PRRC2C: variants seen among roughly 807,000 people sequenced by gnomAD.
PRRC2C encodes the protein proline rich coiled-coil 2C, also known as protein PRRC2C.
A neutral mutation model predicts 317.2 loss-of-function variants in PRRC2C; 72 were observed. The ratio of observed to expected loss-of-function variants is 0.23; its 90% CI spans 0.19 to 0.28. PRRC2C has a LOEUF of 0.28. Ranked by LOEUF, PRRC2C falls within the 10% of genes least tolerant of loss-of-function variation. The pLI, the probability that PRRC2C is intolerant of heterozygous loss-of-function variation, is 1.00. For synonymous variants in PRRC2C, 1,296 were observed against 1,205.9 expected (o/e 1.07, Z -1.55); for missense variants, 3,074 against 3,459.7 (o/e 0.89, Z 2.80).
At chr1:171,551,148 A>G (rs889776483) in intron 18 of PRRC2C, among the ~76,000 whole-genome samples, 2 of 152,122 alleles carry the variant, frequency 1.3e-5, no homozygotes, top group Non-Finnish European at 2.9e-5. Flanking sequence ...TGACTTTTTA[A>G]TGATTGCCAT....
chr1:171,541,148 C>T lies in PRRC2C; in HGVS notation c.3682C>T (p.Pro1228Ser), dbSNP rs777194397. 5.0e-6 allele frequency: 8 copies of T among 1,613,468 alleles called. No individual in the cohort carries two copies. The highest frequency in any genetic ancestry group is 6.8e-6 in the Non-Finnish European group (8 of 1,179,778). The change falls in exon 16 of 35, where the codon CCA becomes TCA. Residue 1228 changes from proline to serine, a missense_variant. Physicochemically the swap from Pro to Ser is moderately conservative, Grantham distance 74. This residue lies in a region of PRRC2C where 1,320 missense variants were observed against 1,395.7 expected (regional missense o/e 0.95). Coordinates refer to ENST00000647382, the MANE Select transcript of PRRC2C (RefSeq NM_001387844.1). This position sits in a 1 kb window ranked among gnomAD's most constrained non-coding sequence, Gnocchi z 4.1. ...RDYPQYRDNK[P>S]RAEHIPSGPL... ...TTATCCTCAGTATAGAGACAATAAGCCAAGAGCAGAGCATATACCCTCAGG... is the reference window on the plus strand; with the variant it reads ...TTATCCTCAGTATAGAGACAATAAGTCAAGAGCAGAGCATATACCCTCAGG...
chr1:171,488,845 A>G (rs1666594177), intron 1 of PRRC2C, among the ~76,000 whole-genome samples: 1 of 152,126 alleles, frequency 6.6e-6, no homozygotes, highest in South Asian at 2.1e-4. Flanking sequence ...TTATTATGTG[A>G]ATTATAGTCA....
In PRRC2C at chr1:171,559,710, G is replaced by C. The variant is rs143068659; in HGVS notation, c.6032-1308G>C. Among the ~76,000 whole-genome samples, 582 of 151,756 alleles carry C rather than the reference G, an allele frequency of 3.8e-3. 3 individuals carry two copies. Among genetic ancestry groups the C allele is most frequent in the African/African-American group, 0.013 (531 of 41,378 alleles). On this transcript the variant is annotated intron_variant, in intron 19 of 34. Coordinates refer to ENST00000647382, the MANE Select transcript of PRRC2C (RefSeq NM_001387844.1). ...CTAATTTTGTATTTTTCATAGAGAC[G>C]GGGTTTTGCCATGTTGGCCAGGCTG... is the stretch of plus-strand genomic sequence containing the variant.
At position 171,527,828 on chromosome 1, in the gene PRRC2C, A is replaced by G. The variant is rs1239220651; in HGVS notation, c.1238A>G (p.Lys413Arg). ...GTSSHLPPPP[K>R]LLAQQHPPPD... ...TCTTCACATCTGCCACCACCTCCAAAGTTGCTTGCACAGCAGGTAAATTTT... is the reference window on the plus strand; with the variant it reads ...TCTTCACATCTGCCACCACCTCCAAGGTTGCTTGCACAGCAGGTAAATTTT... Residue 413 changes from lysine to arginine, a missense_variant, in exon 11 of 35, where the codon AAG becomes AGG. Lys to Arg is a conservative substitution (Grantham distance 26, BLOSUM62 2). Around this residue, in one of 11 missense-constraint regions of PRRC2C, gnomAD observed 1,320 missense variants for 1,395.7 expected, o/e 0.95. Coordinates refer to ENST00000647382, the MANE Select transcript of PRRC2C (RefSeq NM_001387844.1). 1.3e-6 allele frequency: 2 copies of G among 1,583,008 alleles called. No homozygotes were observed. The highest frequency in any genetic ancestry group is 1.8e-5 in the Admixed American group (1 of 56,402).
intron 30 of PRRC2C, 109 bp from the exon 31 acceptor site, chr1:171,586,894 C>A: frequency 2.2e-6 from 2 of 898,782 alleles, no homozygotes; most frequent in African/African-American, 1.7e-5. Flanking sequence ...CCGATGTGTT[C>A]TGTTTGAAAT....
Position 171,557,582 on chromosome 1 carries a change from T to C in PRRC2C, c.5470T>C (p.Ser1824Pro). The change falls in exon 19 of 35, where the codon TCT (serine) becomes CCT (proline). Residue 1824 changes from serine (S) to proline (P), a missense_variant. Ser to Pro is a moderately conservative substitution (Grantham distance 74). Transcript: ENST00000647382. ...CTCAGTCTCAGCTTCAGTTCCAGCC[T>C]CTACTTCAGCTGCAGCTATAACCTC... ...SASVSASVPA[S>P]TSAAAITSSS... is the part of the protein sequence containing the mutation. 1 of 1,551,610 alleles carries C rather than the reference T, an allele frequency of 6.4e-7. No homozygotes were observed. Among genetic ancestry groups the C allele is most frequent in the East Asian group, 2.4e-5 (1 of 40,922 alleles).
At position 171,513,143 on chromosome 1, in the gene PRRC2C, A is replaced by C. The variant is rs377615253; in HGVS notation, c.261A>C (p.Ala87=). Residue 87 remains alanine, a synonymous_variant, in exon 3 of 35, where the codon GCA becomes GCC. Transcript: ENST00000647382. ...TACCTAAAGATGGCACAGGGTGGGC[A>C]TCAAAACAAGAGCAACATGAAGAAG... ...NIVPKDGTGW[A]SKQEQHEEEK... 3 of 1,612,734 alleles carry C rather than the reference A, an allele frequency of 1.9e-6. No individual in the cohort carries two copies. Among genetic ancestry groups the C allele is most frequent in the Non-Finnish European group, 2.5e-6 (3 of 1,179,514 alleles).
chr1:171,561,595 A>G (rs1414841092), intron 20 of PRRC2C, among the ~76,000 whole-genome samples: 1 of 152,060 alleles, frequency 6.6e-6, no homozygotes, highest in African/African-American at 2.4e-5. Context: ...CCCAAGTGAT[A>G]CTCTTGCTGC....
intron 20 of PRRC2C, among the ~76,000 whole-genome samples, chr1:171,564,779 T>C (rs1683339466): frequency 6.6e-6 from 1 of 152,208 alleles, no homozygotes; most frequent in African/African-American, 2.4e-5. Flanking sequence ...AAATACGATA[T>C]TATAATTTTA....
At chr1:171,559,509 G>GT (rs869093669) in intron 19 of PRRC2C, among the ~76,000 whole-genome samples, 4 of 33,758 alleles carry the variant, frequency 1.2e-4, no homozygotes, top group Non-Finnish European at 2.5e-4. Flanking sequence ...TACCAAGTTT[G>GT]TTTTTTTTTT....
intron 11 of PRRC2C, among the ~76,000 whole-genome samples, chr1:171,530,541 T>C (rs1675632142): frequency 1.3e-5 from 2 of 152,154 alleles, no homozygotes; most frequent in East Asian, 1.9e-4. Flanking sequence ...CCACCGTGTC[T>C]AGCCTGGGCC....
chr1:171,566,951 T>G (rs1683772277), intron 22 of PRRC2C, 108 bp downstream of exon 22: 3 of 1,202,342 alleles, frequency 2.5e-6, no homozygotes, highest in Admixed American at 3.2e-5. Flanking sequence ...GGCATATAAC[T>G]CTATAGATTA....
In PRRC2C at chr1:171,533,615, T is replaced by G. The variant is rs529030394; in HGVS notation, c.1873+654T>G. Among the ~76,000 whole-genome samples the G allele has an allele frequency of 8.9e-4, 136 of 152,224 alleles. 1 individual carries two copies. Among genetic ancestry groups the G allele is most frequent in the South Asian group, 3.7e-3 (18 of 4,826 alleles). On this transcript the variant is annotated intron_variant, in intron 12 of 34. Coordinates refer to ENST00000647382, the MANE Select transcript of PRRC2C (RefSeq NM_001387844.1). Reference sequence around the variant, plus strand: ...GTTTTCGTTTTTTGTTTGTTGTTGTTGTGGTGGTGGTGGTTGTTGTTGTTT... The same window carrying G: ...GTTTTCGTTTTTTGTTTGTTGTTGTGGTGGTGGTGGTGGTTGTTGTTGTTT...
chr1:171,511,919 T>G, intron 1 of PRRC2C, 113 bp from the exon 2 acceptor site: 1 of 487,740 alleles, frequency 2.1e-6, no homozygotes, highest in Non-Finnish European at 3.8e-6. Context: ...ATTTGACAGT[T>G]AAAAAGTTCT....
At position 171,592,472 on chromosome 1, in the gene PRRC2C, T is replaced by A. The variant is rs1483052263; in HGVS notation, c.*625T>A. Reference sequence around the variant, plus strand: ...GGATGAATGAGCAGATAAATATTGATGTCAGCATCCTTGAACCATATCAAA... The same window carrying A: ...GGATGAATGAGCAGATAAATATTGAAGTCAGCATCCTTGAACCATATCAAA... On this transcript the variant is annotated 3_prime_UTR_variant, in exon 35 of 35. Coordinates refer to ENST00000647382, the MANE Select transcript of PRRC2C (RefSeq NM_001387844.1). The A allele has an allele frequency of 6.6e-6, 1 of 152,306 alleles. No homozygotes were observed. The highest frequency in any genetic ancestry group is 1.5e-5 in the Non-Finnish European group (1 of 68,094). The allele number at this position is 152,306 out of a possible 1,614,324, so 9.4% of individuals were successfully genotyped here.
At chr1:171,498,336 A>G (rs1326070524) in intron 1 of PRRC2C, among the ~76,000 whole-genome samples, 1 of 152,186 alleles carries the variant, frequency 6.6e-6, no homozygotes, top group African/African-American at 2.4e-5. Flanking sequence ...AGTTATCGAC[A>G]GGCAGGATCT....
In PRRC2C at chr1:171,537,868, G is replaced by A. The variant is rs559557858; in HGVS notation, c.2504+395G>A. Among the ~76,000 whole-genome samples the A allele has an allele frequency of 5.3e-5, 8 of 152,008 alleles. No homozygotes were observed. The South Asian group carries it at 1.7e-3, about 32-fold the overall frequency. ...CTACATGCGTTCACCACCACACCCC[G>A]CTAATCTTTGTGGGGTTTTTTGTTT... On this transcript the variant is annotated intron_variant, in intron 15 of 34. Transcript: ENST00000647382.
intron 1 of PRRC2C, among the ~76,000 whole-genome samples, chr1:171,500,710 A>G (rs1344401382): frequency 6.6e-6 from 1 of 152,194 alleles, no homozygotes; most frequent in East Asian, 1.9e-4. Context: ...AGGTTAATGT[A>G]TATATTAAAC....
intron 20 of PRRC2C, among the ~76,000 whole-genome samples, chr1:171,564,316 A>G (rs1477972025): frequency 1.3e-5 from 2 of 152,192 alleles, no homozygotes; most frequent in Non-Finnish European, 2.9e-5. Flanking sequence ...TTTCATAAAC[A>G]CTTTCATTTC....
Sources: allele counts gnomAD v4.1 joint callset (sites outside exome capture counted in the v4.1 genomes callset), GRCh38; gene constraint gnomAD v4.1.1; regional missense constraint gnomAD v4.1.1; non-coding constraint Gnocchi (gnomAD v3.1); transcripts MANE v1.5; gene names NCBI Gene and HGNC (gene_info 2026-07-23, HGNC 2026-07-21).